Variants in MTOR observed in about 807,000 individuals in gnomAD.
MTOR encodes serine/threonine-protein kinase mTOR.
A neutral mutation model predicts 319.8 loss-of-function variants in MTOR; 70 were observed. The ratio of observed to expected loss-of-function variants is 0.22; its 90% CI spans 0.18 to 0.27. The LOEUF is 0.27. Ranked by LOEUF, MTOR falls within the 10% of genes least tolerant of loss-of-function variation. MTOR has a pLI of 1.00. For missense variants in MTOR, 1,890 were observed against 3,274.4 expected (o/e 0.58, Z 10.32); for synonymous variants, 1,183 against 1,211.4 (o/e 0.98, Z 0.49).
At chr1:11,156,746 C>T (rs560918727) in intron 30 of MTOR, among the ~76,000 whole-genome samples, 1 of 152,058 alleles carries the variant, frequency 6.6e-6, no homozygotes, top group Non-Finnish European at 1.5e-5. Context: ...AGTAAGCATC[C>T]GATATAGGTG....
chr1:11,241,850 T>C (rs1648079675), intron 9 of MTOR, among the ~76,000 whole-genome samples, 169 bp from the exon 10 acceptor site: 1 of 152,206 alleles, frequency 6.6e-6, no homozygotes, highest in African/African-American at 2.4e-5. Context: ...TCACAATTAC[T>C]GTAGATTTGT....
rs1650807834 is a variant in MTOR, at chr1:11,259,269, A to G, written c.141T>C (p.Tyr47=). 1 of 1,613,828 alleles carries G rather than the reference A, an allele frequency of 6.2e-7. No individual in the cohort carries two copies. The highest frequency in any genetic ancestry group is 8.5e-7 in the Non-Finnish European group (1 of 1,179,926). Residue 47 remains tyrosine, a synonymous_variant, in exon 2 of 58, where the codon TAT becomes TAC. Coordinates refer to ENST00000361445, the MANE Select transcript of MTOR (RefSeq NM_004958.4). ...GCACCTCTCGGAGTTCCATGGTGAC[A>G]TAGTGCTGGAGCTCCTTGGCGGCTT... is the stretch of plus-strand genomic sequence containing the variant. The part of the protein sequence containing the change: ...RAKAAKELQH[Y]VTMELREMSQ...
Position 11,128,697 on chromosome 1 carries a change from A to C in MTOR, c.5812-145T>G. ...TTCCCTTTAGTTTCTAAAAGAAAAT[A>C]AAGAAAATATGGACACTTGACACTG... On this transcript the variant is annotated intron_variant, in intron 41 of 57. Coordinates refer to ENST00000361445, the MANE Select transcript of MTOR (RefSeq NM_004958.4). This position sits in a 1 kb window ranked among gnomAD's most constrained non-coding sequence, Gnocchi z 5.3. The C allele has an allele frequency of 9.5e-7, 1 of 1,054,972 alleles. No homozygotes were observed. The highest frequency in any genetic ancestry group is 1.4e-6 in the Non-Finnish European group (1 of 717,136). The allele number at this position is 1,054,972 out of a possible 1,614,324, so 65.4% of individuals were successfully genotyped here. A position where few individuals can be genotyped will look rare whatever the true frequency, so the allele number is the denominator to read the frequency against.
chr1:11,238,684 G>C (rs1647536654), intron 11 of MTOR, 67 bp from the exon 12 acceptor site: 1 of 1,401,636 alleles, frequency 7.1e-7, no homozygotes, highest in Non-Finnish European at 9.7e-7. Flanking sequence ...TCTGCAGCTT[G>C]CTAGCTGAAT....
chr1:11,119,235 A>G (rs1642362553), intron 49 of MTOR, among the ~76,000 whole-genome samples: 2 of 151,988 alleles, frequency 1.3e-5, no homozygotes, highest in South Asian at 2.1e-4. Flanking sequence ...GTTTGAGACC[A>G]GCCTGGCCAA....
intron 28 of MTOR, among the ~76,000 whole-genome samples, chr1:11,197,540 CTCAT>C (rs1416761497): frequency 2.6e-5 from 4 of 152,114 alleles, no homozygotes; most frequent in African/African-American, 9.7e-5. Flanking sequence ...CATTCATTCA[CTCAT>C]TCATTCACTT....
intron 9 of MTOR, among the ~76,000 whole-genome samples, chr1:11,241,963 C>T (rs987735977): frequency 1.3e-5 from 2 of 152,136 alleles, no homozygotes; most frequent in Admixed American, 1.3e-4. Flanking sequence ...GTGGTGCTCA[C>T]CAAGATAATT....
intron 28 of MTOR, chr1:11,192,245 C>A: frequency 6.5e-7 from 1 of 1,545,532 alleles, no homozygotes; most frequent in Non-Finnish European, 8.9e-7. Flanking sequence ...TCTAAATGCT[C>A]ACCCTGTGGT....
intron 28 of MTOR, chr1:11,193,555 C>T (rs368967216): frequency 1.3e-6 from 2 of 1,554,304 alleles, no homozygotes; most frequent in Non-Finnish European, 1.7e-6. Context: ...GCAAGTCCCT[C>T]ACCAGAGTAT....
chr1:11,118,743 C>G (rs1374916400), intron 49 of MTOR, among the ~76,000 whole-genome samples: 1 of 151,836 alleles, frequency 6.6e-6, no homozygotes, highest in Non-Finnish European at 1.5e-5. Context: ...CCTCCCGCCA[C>G]ATCCTCCTAA....
intron 29 of MTOR, among the ~76,000 whole-genome samples, chr1:11,164,771 C>A (rs1644590414): frequency 6.6e-6 from 1 of 152,164 alleles, no homozygotes; most frequent in Non-Finnish European, 1.5e-5. Context: ...CATCCTGATA[C>A]CAAAGCCTGG....
intron 2 of MTOR, 111 bp downstream of exon 2, chr1:11,259,137 T>C (rs1650791549): frequency 2.2e-6 from 3 of 1,379,178 alleles, no homozygotes; most frequent in Non-Finnish European, 2.9e-6. Flanking sequence ...CTTTATAAAA[T>C]AATCTCTGTT....
chr1:11,226,007 C>T (rs1646823516), intron 19 of MTOR, among the ~76,000 whole-genome samples: 1 of 152,002 alleles, frequency 6.6e-6, no homozygotes, highest in Non-Finnish European at 1.5e-5. Context: ...AACACAGATC[C>T]AAAAATTCTA....
Position 11,121,364 on chromosome 1 carries a change from G to C in MTOR, c.6815C>G (p.Ala2272Gly). The change falls in exon 49 of 58, where the codon GCT becomes GGT. Residue 2272 changes from alanine to glycine, a missense_variant. Transcript: ENST00000361445. This position sits in a 1 kb window ranked among gnomAD's most constrained non-coding sequence, Gnocchi z 4.9. ...CAGAGTCAAGTGGTCATAGTCCGGA[G>C]CCATCTGCATCAGGACACAACTGTT... The part of the protein sequence containing the change: ...NIEHRIMLRM[A>G]PDYDHLTLMQ... 6.2e-7 allele frequency: 1 copy of C among 1,614,040 alleles called. No individual in the cohort carries two copies. The highest frequency in any genetic ancestry group is 1.1e-5 in the South Asian group (1 of 91,084).
chr1:11,167,586 G>A, intron 28 of MTOR, 69 bp from the exon 29 acceptor site: 2 of 1,207,770 alleles, frequency 1.7e-6, no homozygotes, highest in Non-Finnish European at 2.4e-6. Context: ...GGGGTCATTT[G>A]TGGGCAGATG....
chr1:11,238,801 C>T (rs1647562567), intron 11 of MTOR, among the ~76,000 whole-genome samples, 184 bp from the exon 12 acceptor site: 2 of 147,970 alleles, frequency 1.4e-5, no homozygotes, highest in Admixed American at 6.8e-5. Flanking sequence ...CTTGCTCTGT[C>T]GCCCAGGCTG....
Position 11,121,217 on chromosome 1 carries a change from G to T in MTOR, c.6933+29C>A. ...TATTGCGAGTGGGGGTTCCAGGAGA[G>T]CGCAGGTCTGCAGGGCCCAGTGGCC... is the stretch of plus-strand genomic sequence containing the variant. On this transcript the variant is annotated intron_variant, in intron 49 of 57. Coordinates refer to ENST00000361445, the MANE Select transcript of MTOR (RefSeq NM_004958.4). This position sits in a 1 kb window ranked among gnomAD's most constrained non-coding sequence, Gnocchi z 4.9. 4 of 1,610,892 alleles carry T rather than the reference G, an allele frequency of 2.5e-6. No individual in the cohort carries two copies. Among genetic ancestry groups the T allele is most frequent in the Non-Finnish European group, 2.5e-6 (3 of 1,179,828 alleles).
chr1:11,117,221 T>A (rs368905754), intron 49 of MTOR, 135 bp from the exon 50 acceptor site: 1 of 694,500 alleles, frequency 1.4e-6, no homozygotes, highest in South Asian at 2.0e-5. Flanking sequence ...AAGGCAGTGG[T>A]GCTATCTTGG....
chr1:11,154,901 T>C (rs189526415), intron 30 of MTOR, among the ~76,000 whole-genome samples: 5 of 151,530 alleles, frequency 3.3e-5, no homozygotes, highest in Non-Finnish European at 5.9e-5. Context: ...ATCCTAGCAC[T>C]TTGGAAGGCC....
Sources: allele counts gnomAD v4.1 joint callset (sites outside exome capture counted in the v4.1 genomes callset), GRCh38; gene constraint gnomAD v4.1.1; non-coding constraint Gnocchi (gnomAD v3.1); transcripts MANE v1.5; gene names NCBI Gene and HGNC (gene_info 2026-07-23, HGNC 2026-07-21).